FGF13: variants seen among roughly 807,000 people sequenced by gnomAD.
FGF13 encodes fibroblast growth factor homologous factor 2.
In FGF13, 2 loss-of-function variants were observed where a neutral mutation model predicts 19.5. That is an observed-to-expected ratio of 0.10 (90% CI 0.04 to 0.32). FGF13 has a LOEUF of 0.32. Ranked by LOEUF, FGF13 falls within the 10% of genes least tolerant of loss-of-function variation. The pLI is 1.00. For missense variants in FGF13, 113 were observed against 192.7 expected, an observed-to-expected ratio of 0.59 and a Z score of 2.45; for synonymous variants, 72 against 76.9, an observed-to-expected ratio of 0.94 and a Z score of 0.33.
At position 138,625,176 on chromosome X, in the gene FGF13, T is replaced by A. The variant is rs1335182962; in HGVS notation, c.*7674A>T. 9.1e-6 allele frequency: 1 copy of A among 109,916 alleles called. No individual in the cohort carries two copies. The highest frequency in any genetic ancestry group is 1.9e-5 in the Non-Finnish European group (1 of 52,783). 9.1% of individuals were successfully genotyped at this position (109,916 alleles called of 1,213,427 possible). On this transcript the variant is annotated 3_prime_UTR_variant, in exon 5 of 5. Coordinates refer to ENST00000315930, the MANE Select transcript of FGF13 (RefSeq NM_004114.5). ...TAATAGGAATAATATTATCCAAAAC[T>A]TAAAAGATAATGTGTTGGCAAGGAG...
At chrX:139,189,432 T>C (rs182985785) in intron 1 of FGF13, among the ~76,000 whole-genome samples, 1 of 111,626 alleles carries the variant, frequency 9.0e-6, no homozygotes, top group Admixed American at 9.5e-5. Flanking sequence ...GTGGTCTATA[T>C]ATACAATGTA....
chrX:138,693,823 C>T (rs1350826415), intron 3 of FGF13, among the ~76,000 whole-genome samples: 1 of 111,302 alleles, frequency 9.0e-6, no homozygotes, highest in Non-Finnish European at 1.9e-5. Flanking sequence ...TGTGATGCTG[C>T]TTGTGTTTAT....
In FGF13 at chrX:138,909,488, G is replaced by C. The variant is rs142225852; in HGVS notation, c.-112-44838C>G. 1.4e-4 allele frequency among the ~76,000 whole-genome samples: 16 copies of C among 112,060 alleles called. No homozygotes were observed. The East Asian group carries it at 3.4e-3, about 24-fold the overall frequency. On this transcript the variant is annotated intron_variant, in intron 1 of 2. Coordinates refer to the FGF13 transcript ENST00000421460. The stretch of plus-strand genomic sequence containing the variant: ...TCTCAGTTCAATTAGACCTGAAGTA[G>C]AGCCCATTCATGCTTTAAGATTAAG...
chrX:138,777,445 T>A (rs1470305194), intron 3 of FGF13, among the ~76,000 whole-genome samples: 2 of 111,279 alleles, frequency 1.8e-5, no homozygotes, highest in African/African-American at 6.5e-5. Context: ...CACAAGAGGG[T>A]GCCCTGTACG....
chrX:139,193,974 C>A (rs2084352423), intron 1 of FGF13, among the ~76,000 whole-genome samples: 1 of 111,658 alleles, frequency 9.0e-6, no homozygotes, highest in African/African-American at 3.3e-5. Context: ...TACATAGCCC[C>A]ATATGGGCAC....
At chrX:138,735,109 G>T (rs1363723095) in intron 1 of FGF13, among the ~76,000 whole-genome samples, 1 of 112,239 alleles carries the variant, frequency 8.9e-6, no homozygotes, top group African/African-American at 3.2e-5. Flanking sequence ...GTGGTATTTA[G>T]AGACTTTATT....
chrX:139,104,005 G>T (rs1056065119), intron 1 of FGF13, among the ~76,000 whole-genome samples: 7 of 111,449 alleles, frequency 6.3e-5, no homozygotes, highest in Non-Finnish European at 1.1e-4. Flanking sequence ...CCTGGAACAA[G>T]TCACTGAGCC....
intron 1 of FGF13, among the ~76,000 whole-genome samples, chrX:139,199,546 T>C (rs1043985635): frequency 1.8e-5 from 2 of 112,140 alleles, no homozygotes; most frequent in Non-Finnish European, 3.8e-5. Flanking sequence ...ATATCCTTAC[T>C]TACCGCCTTA....
chrX:138,711,090 T>A lies in FGF13; in HGVS notation c.-87A>T. 8.6e-7 allele frequency: 1 copy of A among 1,162,327 alleles called. No individual in the cohort carries two copies. The highest frequency in any genetic ancestry group is 2.0e-5 in the South Asian group (1 of 50,654). Reference sequence around the variant, plus strand: ...CTTCTCCTCCGCTGCTTGTCCGCTGTCTCGCGACTTCGCCGCTTTGGTCTC... The same window carrying A: ...CTTCTCCTCCGCTGCTTGTCCGCTGACTCGCGACTTCGCCGCTTTGGTCTC... On this transcript the variant is annotated 5_prime_UTR_variant, in exon 1 of 5. Coordinates refer to ENST00000315930, the MANE Select transcript of FGF13 (RefSeq NM_004114.5).
In FGF13 at chrX:139,004,122, T is replaced by C. The variant is rs767622564; in HGVS notation, c.-112-139472A>G. Among the ~76,000 whole-genome samples the C allele has an allele frequency of 2.9e-3, 325 of 111,535 alleles. 1 individual carries two copies. Among genetic ancestry groups the C allele is most frequent in the African/African-American group, 9.7e-3 (297 of 30,705 alleles). On this transcript the variant is annotated intron_variant, in intron 1 of 2. Transcript: ENST00000421460. The stretch of plus-strand genomic sequence containing the variant: ...TTGGGCAGCACAGGAGCCCATGGAG[T>C]GGGTGGGAGACTCAGGCATGGCGGG...
At chrX:138,720,378 T>C (rs1402193271) in intron 1 of FGF13, among the ~76,000 whole-genome samples, 1 of 112,105 alleles carries the variant, frequency 8.9e-6, no homozygotes, top group Non-Finnish European at 1.9e-5. Flanking sequence ...TATGAACTTA[T>C]CTCCATTTTA....
intron 1 of FGF13, among the ~76,000 whole-genome samples, chrX:139,198,993 T>A (rs1408185486): frequency 8.9e-6 from 1 of 112,820 alleles, no homozygotes; most frequent in East Asian, 2.8e-4. Context: ...TTTGTAGAGC[T>A]GGTATATTAC....
At chrX:139,170,636 TTCC>T (rs990672560) in intron 1 of FGF13, among the ~76,000 whole-genome samples, 9 of 111,777 alleles carry the variant, frequency 8.1e-5, no homozygotes, top group South Asian at 3.7e-4. Flanking sequence ...TCATGCAAGC[TTCC>T]TTGACGATGC....
intron 1 of FGF13, among the ~76,000 whole-genome samples, chrX:138,726,951 T>A (rs1452263818): frequency 1.8e-5 from 2 of 110,991 alleles, no homozygotes; most frequent in Non-Finnish European, 3.8e-5. Context: ...GTCCCTACTT[T>A]TAACACTTCG....
chrX:138,673,609 T>C (rs1382498357), intron 3 of FGF13, among the ~76,000 whole-genome samples: 3 of 111,565 alleles, frequency 2.7e-5, no homozygotes, highest in African/African-American at 9.8e-5. Context: ...AAGAAATTAC[T>C]TGGAACTGCA....
chrX:138,867,322 G>A (rs1332413834), intron 1 of FGF13, among the ~76,000 whole-genome samples: 1 of 111,346 alleles, frequency 9.0e-6, no homozygotes, highest in Non-Finnish European at 1.9e-5. Context: ...AGGAGGCTGA[G>A]GTGGGAGGCT....
At chrX:138,865,571 C>A (rs775449204) in intron 1 of FGF13, among the ~76,000 whole-genome samples, 4 of 107,261 alleles carry the variant, frequency 3.7e-5, no homozygotes, top group African/African-American at 1.4e-4. Flanking sequence ...TTTCTTCCCA[C>A]ACCTCAGGCT....
chrX:138,992,926 G>A (rs1328779551), intron 1 of FGF13, among the ~76,000 whole-genome samples: 1 of 111,751 alleles, frequency 8.9e-6, no homozygotes, highest in African/African-American at 3.3e-5. Context: ...CATTTCCTAA[G>A]TGATCAAGGT....
At chrX:139,203,507 CGGGGGG>C (rs1299210353) in exon 1 of FGF13, 1 of 13,737 alleles carries the variant, frequency 7.3e-5, no homozygotes, top group Admixed American at 9.2e-4. Context: ...TGTCGGGTGG[CGGGGGG>C]GGGGAAGGAG....
Sources: gnomAD v4.1 joint callset for allele counts (sites outside exome capture counted in the v4.1 genomes callset) on GRCh38, gnomAD v4.1.1 for gene constraint, MANE v1.5 for transcripts, NCBI Gene and HGNC (gene_info 2026-07-23, HGNC 2026-07-21) for gene names.